The following SAMD5 variants were observed in gnomAD, a reference collection of about 807,000 sequenced individuals.
SAMD5 encodes the protein sterile alpha motif domain-containing protein 5.
SAMD5 carries 13 observed loss-of-function variants against 11.3 expected under a neutral mutation model. The ratio of observed to expected loss-of-function variants is 1.15; its 90% CI spans 0.75 to 1.83. The LOEUF (loss-of-function observed/expected upper bound fraction) is 1.83. Ranked by LOEUF, SAMD5 falls within the 40% of genes most tolerant of loss-of-function variation. The pLI is 0.00. For synonymous variants in SAMD5, 129 were observed against 111.3 expected (o/e 1.16, Z -1.00); for missense variants, 255 against 239.1 (o/e 1.07, Z -0.44).
the SAMD5 span, among the ~76,000 whole-genome samples, chr6:147,803,131 CTGTGTG>C: frequency 0.028 from 3,882 of 136,760 alleles, 99 homozygotes; most frequent in African/African-American, 0.067. Context: ...GCCTTCCTTT[CTGTGTG>C]TGTGTGTGTG....
the SAMD5 span, among the ~76,000 whole-genome samples, chr6:147,861,645 C>T: frequency 4.3e-3 from 657 of 152,210 alleles, 22 homozygotes; most frequent in Admixed American, 0.04. Context: ...TTTCTATTAC[C>T]AGATTTCTTT....
chr6:147,679,591 C>A (rs1790912385), intron 1 of SAMD5, among the ~76,000 whole-genome samples: 1 of 151,740 alleles, frequency 6.6e-6, no homozygotes, highest in Non-Finnish European at 1.5e-5. Flanking sequence ...ATTATTTTTC[C>A]CAGTCTGTGG....
chr6:147,910,228 C>T, the SAMD5 span, among the ~76,000 whole-genome samples: 1 of 151,872 alleles, frequency 6.6e-6, no homozygotes, highest in Non-Finnish European at 1.5e-5. Flanking sequence ...CGAATGGTAC[C>T]CTGGGGACCC....
chr6:147,692,161 C>G (rs761450164), intron 1 of SAMD5, among the ~76,000 whole-genome samples: 28 of 152,162 alleles, frequency 1.8e-4, no homozygotes, highest in Non-Finnish European at 4.1e-4. Context: ...AGAGCCACAT[C>G]TCATATGTTT....
chr6:147,694,894 A>G (rs1415874002), intron 1 of SAMD5, among the ~76,000 whole-genome samples: 2 of 152,226 alleles, frequency 1.3e-5, no homozygotes, highest in Non-Finnish European at 2.9e-5. Flanking sequence ...AACTCATATC[A>G]ATAAGCAGTC....
chr6:147,750,540 T>C, the SAMD5 span, among the ~76,000 whole-genome samples: 1 of 152,240 alleles, frequency 6.6e-6, no homozygotes, highest in Admixed American at 6.5e-5. Context: ...CTTCCTCTCC[T>C]GTGACCTCCC....
the SAMD5 span, among the ~76,000 whole-genome samples, chr6:147,850,947 C>CTT: frequency 0.3 from 40,533 of 133,258 alleles, 6,400 homozygotes; most frequent in East Asian, 0.34. Context: ...TATAATTGTT[C>CTT]TTTTTTTTTT....
chr6:147,535,806 C>G (rs1788499724), intron 1 of SAMD5, among the ~76,000 whole-genome samples: 1 of 152,060 alleles, frequency 6.6e-6, no homozygotes, highest in East Asian at 1.9e-4. Context: ...ATCTGGGGTT[C>G]CTAGGCCTGT....
chr6:147,733,489 A>G (rs896326448), intron 1 of SAMD5, among the ~76,000 whole-genome samples: 5 of 150,602 alleles, frequency 3.3e-5, no homozygotes, highest in Non-Finnish European at 6.0e-5. Flanking sequence ...CCACCATTCT[A>G]ATTTCACTTC....
At chr6:147,906,859 A>G in the SAMD5 span, among the ~76,000 whole-genome samples, 3 of 152,180 alleles carry the variant, frequency 2.0e-5, no homozygotes, top group African/African-American at 7.2e-5. Flanking sequence ...CTTTAGCTGA[A>G]ATAATTTTTA....
At chr6:147,946,918 G>C in the SAMD5 span, among the ~76,000 whole-genome samples, 1 of 152,168 alleles carries the variant, frequency 6.6e-6, no homozygotes, top group Non-Finnish European at 1.5e-5. Flanking sequence ...CTAATTTCAT[G>C]ATTACTTATC....
At chr6:147,792,474 T>C in the SAMD5 span, among the ~76,000 whole-genome samples, 1 of 152,176 alleles carries the variant, frequency 6.6e-6, no homozygotes, top group East Asian at 1.9e-4. Context: ...TAGACGCATA[T>C]GGATGTATAT....
the SAMD5 span, among the ~76,000 whole-genome samples, chr6:147,909,634 CTTTCTTG>C: frequency 1.5e-5 from 1 of 66,556 alleles, no homozygotes; most frequent in African/African-American, 8.1e-5. Context: ...CTTTCTTTCT[CTTTCTTG>C]TCTTTTGTAC....
chr6:147,825,581 A>AT, the SAMD5 span, among the ~76,000 whole-genome samples: 19,587 of 151,798 alleles, frequency 0.13, 1,590 homozygotes, highest in East Asian at 0.35. Context: ...TCAACCTGGC[A>AT]TTTTTTTTCT....
the SAMD5 span, among the ~76,000 whole-genome samples, chr6:147,770,430 G>A: frequency 5.3e-5 from 8 of 152,146 alleles, no homozygotes; most frequent in Non-Finnish European, 1.0e-4. Context: ...TTTAAGTAAC[G>A]AGACTGCTGA....
At chr6:147,674,486 C>G (rs775016567) in intron 1 of SAMD5, among the ~76,000 whole-genome samples, 2 of 152,124 alleles carry the variant, frequency 1.3e-5, no homozygotes, top group Non-Finnish European at 2.9e-5. Context: ...TAAAATCTGG[C>G]GGGCATTCTC....
chr6:147,948,194 C>G, the SAMD5 span, among the ~76,000 whole-genome samples: 212 of 150,468 alleles, frequency 1.4e-3, 1 homozygote, highest in African/African-American at 5.0e-3. Context: ...TGCTGTTTTT[C>G]TAGATATGTT....
chr6:147,533,388 G>A (rs1479059296), intron 1 of SAMD5, among the ~76,000 whole-genome samples: 1 of 150,854 alleles, frequency 6.6e-6, no homozygotes, highest in Admixed American at 6.6e-5. Flanking sequence ...CTTGAACCCG[G>A]GAGGTGGAGG....
intron 1 of SAMD5, among the ~76,000 whole-genome samples, chr6:147,628,837 G>A (rs1790097451): frequency 6.6e-6 from 1 of 151,818 alleles, no homozygotes; most frequent in African/African-American, 2.4e-5. Context: ...TCTTTGGTTG[G>A]GTTCATAATT....
Sources: allele counts gnomAD v4.1 joint callset (sites outside exome capture counted in the v4.1 genomes callset), GRCh38; gene constraint gnomAD v4.1.1; transcripts MANE v1.5; gene names NCBI Gene and HGNC (gene_info 2026-07-23, HGNC 2026-07-21).